The following CSMD1 variants were observed in gnomAD, a reference collection of about 807,000 sequenced individuals.
CSMD1 encodes CUB and sushi domain-containing protein 1.
In CSMD1, 213 loss-of-function variants were observed where a neutral mutation model predicts 417.5. The ratio of observed to expected loss-of-function variants is 0.51; its 90% CI spans 0.46 to 0.57. The LOEUF (loss-of-function observed/expected upper bound fraction) is 0.57. CSMD1 is among the 20% of genes least tolerant of loss of function. The pLI is 0.00. For missense variants in CSMD1, 6,923 were observed against 4,529.7 expected (o/e 1.53, Z -15.17); for synonymous variants, 2,862 against 1,736.8 (o/e 1.65, Z -16.11).
chr8:4,573,870 G>A (rs765521846), intron 2 of CSMD1, among the ~76,000 whole-genome samples: 1 of 152,190 alleles, frequency 6.6e-6, no homozygotes, highest in African/African-American at 2.4e-5. Context: ...GCTTTGCCGT[G>A]CAGTGGTGCG....
At chr8:4,208,411 T>C (rs1285208029) in intron 3 of CSMD1, among the ~76,000 whole-genome samples, 1 of 152,210 alleles carries the variant, frequency 6.6e-6, no homozygotes, top group African/African-American at 2.4e-5. Flanking sequence ...AATTACCATG[T>C]TATGAAAACT....
At position 2,997,997 on chromosome 8, in the gene CSMD1, G is replaced by C. The variant is rs1807063623; in HGVS notation, c.8377+14C>G. On this transcript the variant is annotated intron_variant, in intron 54 of 69. Transcript: ENST00000635120. ...TCTCAGAGCAAAGGGCTCATTCCTGGATGCTGTTCCTACCTCGACACGTGG... is the reference window on the plus strand; with the variant it reads ...TCTCAGAGCAAAGGGCTCATTCCTGCATGCTGTTCCTACCTCGACACGTGG... 1 of 1,610,790 alleles carries C rather than the reference G, an allele frequency of 6.2e-7. No homozygotes were observed. The highest frequency in any genetic ancestry group is 8.5e-7 in the Non-Finnish European group (1 of 1,178,230).
intron 11 of CSMD1, 188 bp from the exon 12 acceptor site, chr8:3,469,012 T>G (rs1264851794): frequency 2.2e-6 from 1 of 450,580 alleles, no homozygotes. Flanking sequence ...ACTGGTGCTT[T>G]ACAGAAATTA....
intron 23 of CSMD1, among the ~76,000 whole-genome samples, chr8:3,322,196 G>T (rs370669852): frequency 6.6e-6 from 1 of 152,132 alleles, no homozygotes; most frequent in Non-Finnish European, 1.5e-5. Context: ...ACATTTCATG[G>T]CCAGGAACAT....
chr8:4,946,564 T>G (rs1808382380), intron 1 of CSMD1, among the ~76,000 whole-genome samples: 1 of 152,194 alleles, frequency 6.6e-6, no homozygotes, highest in South Asian at 2.1e-4. Context: ...GGATTCTGAC[T>G]CTGTATAAGT....
intron 64 of CSMD1, 39 bp downstream of exon 64, chr8:2,955,550 T>A (rs1200491670): frequency 6.2e-7 from 1 of 1,605,250 alleles, no homozygotes; most frequent in East Asian, 2.2e-5. Flanking sequence ...TTTCCCTTGC[T>A]CTTTGGAAAA....
chr8:3,883,872 C>G (rs2954635), intron 5 of CSMD1, among the ~76,000 whole-genome samples: 32,871 of 151,820 alleles, frequency 0.22, 4,056 homozygotes, highest in African/African-American at 0.33. Flanking sequence ...GAAAACAATA[C>G]GGTTTTTCAT....
chr8:4,899,393 G>T (rs1029982791), intron 1 of CSMD1, among the ~76,000 whole-genome samples: 1 of 152,138 alleles, frequency 6.6e-6, no homozygotes, highest in Non-Finnish European at 1.5e-5. Context: ...GAATTATTTG[G>T]AAGGATATAA....
intron 1 of CSMD1, among the ~76,000 whole-genome samples, chr8:4,689,794 A>G (rs1806647667): frequency 6.6e-6 from 1 of 152,304 alleles, no homozygotes; most frequent in African/African-American, 2.4e-5. Context: ...CTAACTCCAT[A>G]TGGAATTTAT....
chr8:3,051,061 T>C (rs1811786313), intron 50 of CSMD1, among the ~76,000 whole-genome samples: 2 of 152,210 alleles, frequency 1.3e-5, no homozygotes, highest in East Asian at 1.9e-4. Context: ...GAACTTAAAA[T>C]AGAATGCTCA....
chr8:3,372,724 A>C (rs1042108918), intron 18 of CSMD1, among the ~76,000 whole-genome samples: 1 of 152,124 alleles, frequency 6.6e-6, no homozygotes, highest in Non-Finnish European at 1.5e-5. Flanking sequence ...CAAAGCTCCA[A>C]GTCTGCTGGG....
chr8:4,694,576 G>T (rs12678852), intron 1 of CSMD1, among the ~76,000 whole-genome samples: 7,169 of 151,870 alleles, frequency 0.047, 175 homozygotes, highest in East Asian at 0.093. Context: ...TATTAGCCAG[G>T]ATCGTCTTGA....
intron 25 of CSMD1, among the ~76,000 whole-genome samples, chr8:3,289,105 C>T (rs1363427043): frequency 6.8e-6 from 1 of 147,268 alleles, no homozygotes; most frequent in East Asian, 2.0e-4. Context: ...AGATAGTTTG[C>T]TGAGAATGAT....
At chr8:4,167,843 A>G (rs115711801) in intron 3 of CSMD1, among the ~76,000 whole-genome samples, 280 of 152,180 alleles carry the variant, frequency 1.8e-3, no homozygotes, top group African/African-American at 5.6e-3. Context: ...TTATATATAA[A>G]AAGGCCAGAC....
intron 9 of CSMD1, among the ~76,000 whole-genome samples, chr8:3,584,945 A>G (rs1329837023): frequency 6.6e-6 from 1 of 152,174 alleles, no homozygotes; most frequent in Non-Finnish European, 1.5e-5. Context: ...ATGCACAATC[A>G]AAGTTGTCTA....
intron 41 of CSMD1, among the ~76,000 whole-genome samples, chr8:3,121,389 G>A (rs1355568467): frequency 6.6e-6 from 1 of 152,162 alleles, no homozygotes; most frequent in Admixed American, 6.5e-5. Flanking sequence ...GAAAAATCGA[G>A]ATCAGAGGAC....
chr8:3,688,190 C>G (rs1386107368), intron 7 of CSMD1, among the ~76,000 whole-genome samples: 2 of 152,148 alleles, frequency 1.3e-5, no homozygotes, highest in Non-Finnish European at 2.9e-5. Flanking sequence ...ATAAATTGGA[C>G]ACAATGAATA....
At chr8:3,753,082 C>G (rs1054475992) in intron 6 of CSMD1, among the ~76,000 whole-genome samples, 13 of 152,196 alleles carry the variant, frequency 8.5e-5, no homozygotes, top group Non-Finnish European at 1.9e-4. Flanking sequence ...TGTAATTTCT[C>G]TGGCACTGCA....
chr8:4,019,015 A>G (rs533813510), intron 4 of CSMD1, among the ~76,000 whole-genome samples: 1 of 152,350 alleles, frequency 6.6e-6, no homozygotes, highest in Admixed American at 6.5e-5. Context: ...AAAATCTACA[A>G]TTACAGTGAC....
Sources: gnomAD v4.1 joint callset for allele counts (sites outside exome capture counted in the v4.1 genomes callset) on GRCh38, gnomAD v4.1.1 for gene constraint, MANE v1.5 for transcripts, NCBI Gene and HGNC (gene_info 2026-07-23, HGNC 2026-07-21) for gene names.